The following TEX15 variants were observed in gnomAD, a reference collection of about 807,000 sequenced individuals.
TEX15 encodes the protein testis-expressed protein 15.
TEX15 carries 171 observed loss-of-function variants against 237.3 expected under a neutral mutation model. The observed-to-expected ratio is 0.72, with a 90% CI of 0.64 to 0.82. TEX15 has a LOEUF of 0.82. Ranked by LOEUF, TEX15 falls within the 40% of genes least tolerant of loss-of-function variation. TEX15 has a pLI of 0.00. For missense variants in TEX15, 3,750 were observed against 3,646.5 expected (o/e 1.03, Z -0.73); for synonymous variants, 1,338 against 1,269.8 (o/e 1.05, Z -1.14).
At chr8:30,866,958 C>T (rs1808183161) in intron 5 of TEX15, among the ~76,000 whole-genome samples, 1 of 150,972 alleles carries the variant, frequency 6.6e-6, no homozygotes, top group Admixed American at 6.6e-5. Context: ...CACTATAGTA[C>T]TTATTATGAT....
intron 1 of TEX15, among the ~76,000 whole-genome samples, chr8:30,904,766 A>G (rs1056000591): frequency 2.0e-5 from 3 of 152,206 alleles, no homozygotes; most frequent in Non-Finnish European, 4.4e-5. Context: ...AATTCAAAGA[A>G]GTCAACAGCT....
At position 30,837,889 on chromosome 8, in the gene TEX15, T is replaced by C; in HGVS notation, c.8395A>G (p.Ile2799Val). Residue 2799 changes from isoleucine to valine, a missense_variant, in exon 10 of 11, where the codon ATA becomes GTA. Physicochemically the swap from Ile to Val is conservative, Grantham distance 29. Transcript: ENST00000643185. Reference protein sequence around the residue: ...DTCASKSESKIDLTVSSDHFS... With the variant: ...DTCASKSESKVDLTVSSDHFS... The stretch of plus-strand genomic sequence containing the variant: ...TGATCAGATGAAACAGTTAAGTCTA[T>C]TTTGCTTTCCGACTTTGATGCGCAA... 2.5e-6 allele frequency: 4 copies of C among 1,614,216 alleles called. No individual in the cohort carries two copies. Among genetic ancestry groups the C allele is most frequent in the Non-Finnish European group, 1.7e-6 (2 of 1,180,030 alleles).
intron 5 of TEX15, among the ~76,000 whole-genome samples, chr8:30,865,168 T>G (rs889912899): frequency 3.3e-5 from 5 of 152,004 alleles, no homozygotes; most frequent in Admixed American, 2.0e-4. Flanking sequence ...ATACAAAGGA[T>G]TGTTAGAGAC....
At chr8:30,891,446 T>C (rs1432100089) in intron 2 of TEX15, among the ~76,000 whole-genome samples, 6 of 152,106 alleles carry the variant, frequency 3.9e-5, no homozygotes, top group Non-Finnish European at 8.8e-5. Context: ...GAGCAAATGA[T>C]AACTGATTGT....
chr8:30,881,360 T>G (rs972817807), intron 3 of TEX15, among the ~76,000 whole-genome samples: 3 of 152,158 alleles, frequency 2.0e-5, no homozygotes, highest in African/African-American at 7.2e-5. Context: ...TAAACTTTCC[T>G]TTCTAACCAT....
chr8:30,912,580 G>A (rs1460752648), intron 1 of TEX15, among the ~76,000 whole-genome samples: 1 of 152,220 alleles, frequency 6.6e-6, no homozygotes, highest in Non-Finnish European at 1.5e-5. Context: ...CGGGGGCAGA[G>A]GGAGAGCGAA....
At chr8:30,860,563 C>CTTTTTT (rs35815726) in intron 5 of TEX15, among the ~76,000 whole-genome samples, 1 of 127,034 alleles carries the variant, frequency 7.9e-6, no homozygotes, top group Non-Finnish European at 1.7e-5. Context: ...AGAGAATCTA[C>CTTTTTT]TTTTTTTTTT....
intron 3 of TEX15, among the ~76,000 whole-genome samples, chr8:30,875,925 C>A (rs886564004): frequency 6.6e-6 from 1 of 151,914 alleles, no homozygotes; most frequent in South Asian, 2.1e-4. Flanking sequence ...GATCCTCCTG[C>A]CTTGGCTTCC....
At chr8:30,855,207 T>TA (rs1454536733) in intron 7 of TEX15, among the ~76,000 whole-genome samples, 4 of 151,902 alleles carry the variant, frequency 2.6e-5, no homozygotes, top group South Asian at 2.1e-4. Flanking sequence ...CAAAGACCAC[T>TA]AAAAAAAATC....
chr8:30,875,625 T>A (rs963650210), intron 3 of TEX15, among the ~76,000 whole-genome samples: 1 of 152,152 alleles, frequency 6.6e-6, no homozygotes, highest in African/African-American at 2.4e-5. Context: ...AATAGATGCA[T>A]AAAAGGATAA....
chr8:30,863,483 G>A (rs1314383923), intron 5 of TEX15, among the ~76,000 whole-genome samples: 1 of 152,128 alleles, frequency 6.6e-6, no homozygotes, highest in Non-Finnish European at 1.5e-5. Flanking sequence ...TATGGTATAT[G>A]TATTCTCATC....
intron 2 of TEX15, 91 bp downstream of exon 2, chr8:30,898,651 C>T (rs1426930167): frequency 3.3e-5 from 5 of 151,864 alleles, no homozygotes; most frequent in South Asian, 2.1e-4. Flanking sequence ...TCTTTATTGC[C>T]GAATTATTTA....
In TEX15 at chr8:30,912,476, C is replaced by A. The variant is rs1479502213; in HGVS notation, c.-86+403G>T. Among the ~76,000 whole-genome samples the A allele has an allele frequency of 2.6e-5, 4 of 152,212 alleles. No individual in the cohort carries two copies. The East Asian group carries it at 7.8e-4, about 29-fold the overall frequency. On this transcript the variant is annotated intron_variant, in intron 1 of 10. Transcript: ENST00000643185. ...AGCCAGGGCGAGGCGGAGGCCACCA[C>A]CAAGTTGTGGCGCTCTCTCCTCTCG...
rs1197023857 is a variant in TEX15, at chr8:30,843,195, A to G, written c.6972T>C (p.Asn2324=). 1 of 1,613,504 alleles carries G rather than the reference A, an allele frequency of 6.2e-7. No homozygotes were observed. The highest frequency in any genetic ancestry group is 1.1e-5 in the South Asian group (1 of 91,040). Reference sequence around the variant, plus strand: ...CAAGCCCAATAGGGGAAATTGGTTCATTGTTTAAATCTTTAGACAAAGTAT... The same window carrying G: ...CAAGCCCAATAGGGGAAATTGGTTCGTTGTTTAAATCTTTAGACAAAGTAT... ...IYDTLSKDLN[N]EPISPIGLEE... The change falls in exon 8 of 11, where the codon AAT becomes AAC. Residue 2324 remains asparagine (N), a synonymous_variant. Transcript: ENST00000643185.
chr8:30,844,776 T>G lies in TEX15; in HGVS notation c.5391A>C (p.Ser1797=). 1 of 1,613,552 alleles carries G rather than the reference T, an allele frequency of 6.2e-7. No homozygotes were observed. The highest frequency in any genetic ancestry group is 8.5e-7 in the Non-Finnish European group (1 of 1,179,612). ...CATAACTTTTATCTTCTTCAGTTCCTGATGCTACATCCAACTCATAATTCT... is the reference window on the plus strand; with the variant it reads ...CATAACTTTTATCTTCTTCAGTTCCGGATGCTACATCCAACTCATAATTCT... ...VTENYELDVA[S]GTEEDKSYGE... The change falls in exon 8 of 11, where the codon TCA becomes TCC. Residue 1797 remains serine, a synonymous_variant. Coordinates refer to ENST00000643185, the MANE Select transcript of TEX15 (RefSeq NM_001350162.2).
chr8:30,892,246 C>A (rs867982286), intron 2 of TEX15, among the ~76,000 whole-genome samples: 1 of 152,104 alleles, frequency 6.6e-6, no homozygotes, highest in Non-Finnish European at 1.5e-5. Flanking sequence ...TTTAAAACAA[C>A]CTTTCTTATT....
Position 30,842,977 on chromosome 8 carries a change from T to C in TEX15, c.7190A>G (p.His2397Arg), listed in dbSNP as rs368139442. The change falls in exon 8 of 11, where the codon CAC becomes CGC. Residue 2397 changes from histidine to arginine, a missense_variant. By Grantham distance (29) the His-to-Arg change is conservative (BLOSUM62 0). Transcript: ENST00000643185. ...LQDLTLRCTD[H>R]LEILKKYFQM... ...AAAGTATTTTTTTAAAATTTCTAAG[T>C]GATCTGTACATCTCAAGGTGAGATC... The C allele has an allele frequency of 1.2e-5, 20 of 1,611,810 alleles. No individual in the cohort carries two copies. In the African/African-American group the frequency reaches 2.7e-4, roughly 22 times the overall value.
chr8:30,906,958 C>T (rs1011477734), intron 1 of TEX15, among the ~76,000 whole-genome samples: 1 of 151,910 alleles, frequency 6.6e-6, no homozygotes, highest in African/African-American at 2.4e-5. Flanking sequence ...TTTTGCTGTT[C>T]ACTTAAGCTG....
chr8:30,856,122 T>A (rs917511166), intron 7 of TEX15, among the ~76,000 whole-genome samples: 13 of 152,050 alleles, frequency 8.5e-5, no homozygotes, highest in African/African-American at 2.9e-4. Flanking sequence ...AGTTTTGTAT[T>A]TTTAGTAGAG....
Sources: allele counts gnomAD v4.1 joint callset (sites outside exome capture counted in the v4.1 genomes callset), GRCh38; gene constraint gnomAD v4.1.1; transcripts MANE v1.5; gene names NCBI Gene and HGNC (gene_info 2026-07-23, HGNC 2026-07-21).